The following BOD1L1 variants were observed in gnomAD, a reference collection of about 807,000 sequenced individuals.
BOD1L1 encodes biorientation of chromosomes in cell division 1 like 1.
BOD1L1 carries 86 observed loss-of-function variants against 240.7 expected under a neutral mutation model. The observed-to-expected ratio is 0.36, with a 90% CI of 0.30 to 0.43. The LOEUF (loss-of-function observed/expected upper bound fraction) is 0.43. Ranked by LOEUF, BOD1L1 falls within the 20% of genes least tolerant of loss-of-function variation. The probability of loss-of-function intolerance (pLI) is 1.00; values close to 1 mark genes in which losing one functional copy is unlikely to be tolerated. For missense variants in BOD1L1, 3,554 were observed against 3,643.5 expected (o/e 0.98, Z 0.63); for synonymous variants, 1,268 against 1,272.3 (o/e 1.00, Z 0.07).
intron 7 of BOD1L1, 145 bp downstream of exon 7, chr4:13,609,150 C>T (rs1008844172): frequency 4.1e-6 from 2 of 488,754 alleles, no homozygotes; most frequent in African/African-American, 2.0e-5. Context: ...TGATGAAACA[C>T]ATGAGATTAA....
chr4:13,580,019 T>A, intron 21 of BOD1L1, 46 bp from the exon 22 acceptor site: 1 of 1,340,266 alleles, frequency 7.5e-7, no homozygotes, highest in Non-Finnish European at 1.0e-6. Context: ...ATCAGCAGTT[T>A]ATAATCATCA....
At chr4:13,580,195 G>A (rs1254681605) in intron 21 of BOD1L1, 4 of 541,006 alleles carry the variant, frequency 7.4e-6, no homozygotes, top group Non-Finnish European at 1.3e-5. Flanking sequence ...TGATGCTACA[G>A]GATGAGAAGT....
chr4:13,586,621 T>G (rs1003535092), intron 16 of BOD1L1, 146 bp from the exon 17 acceptor site: 1 of 492,630 alleles, frequency 2.0e-6, no homozygotes, highest in African/African-American at 2.0e-5. Context: ...TATAATATCA[T>G]GTGATTTGAG....
In BOD1L1 at chr4:13,599,701, A is replaced by G; in HGVS notation, c.7199T>C (p.Leu2400Ser). The stretch of plus-strand genomic sequence containing the variant: ...GTGCCCCTCCTCGGTGCTCACTGCC[A>G]ACACGGGACCCGGTTCTTTGCCTCC... ...VRGGKEPGPV[L>S]AVSTEEGHNG... The change falls in exon 10 of 26, where the codon TTG becomes TCG. Residue 2400 changes from leucine (L) to serine (S), a missense_variant. Physicochemically the swap from Leu to Ser is moderately radical, Grantham distance 145 (BLOSUM62 -2). This residue lies in a region of BOD1L1 where 3,393 missense variants were observed against 3,427.1 expected (regional missense o/e 0.99). Transcript: ENST00000040738. 1 of 1,613,794 alleles carries G rather than the reference A, an allele frequency of 6.2e-7. No homozygotes were observed. Among genetic ancestry groups the G allele is most frequent in the South Asian group, 1.1e-5 (1 of 91,082 alleles).
intron 13 of BOD1L1, among the ~76,000 whole-genome samples, chr4:13,591,563 T>A (rs1488705721): frequency 6.6e-6 from 1 of 152,224 alleles, no homozygotes; most frequent in Non-Finnish European, 1.5e-5. Flanking sequence ...CAGGTTAGTA[T>A]CTTGAGAAAA....
intron 9 of BOD1L1, among the ~76,000 whole-genome samples, chr4:13,605,503 T>A (rs1306480308): frequency 6.6e-6 from 1 of 152,180 alleles, no homozygotes; most frequent in Non-Finnish European, 1.5e-5. Flanking sequence ...GTGTTAGGAA[T>A]GAGTTTAGAT....
At position 13,590,371 on chromosome 4, in the gene BOD1L1, A is replaced by T; in HGVS notation, c.8209+15T>A. 1.4e-6 allele frequency: 2 copies of T among 1,401,582 alleles called. No individual in the cohort carries two copies. The highest frequency in any genetic ancestry group is 2.6e-5 in the South Asian group (2 of 77,362). The allele number at this position is 1,401,582 out of a possible 1,614,324, so 86.8% of individuals were successfully genotyped here. On this transcript the variant is annotated intron_variant, in intron 14 of 25. Coordinates refer to ENST00000040738, the MANE Select transcript of BOD1L1 (RefSeq NM_148894.3). ...TATAATATTAAAACTATAACTATGA[A>T]ATTCATTAACTTACCTCCTTTGTTA...
Position 13,600,130 on chromosome 4 carries a change from G to C in BOD1L1, c.6770C>G (p.Ser2257Cys), listed in dbSNP as rs1287614863. 1.9e-6 allele frequency: 3 copies of C among 1,613,982 alleles called. No individual in the cohort carries two copies. The East Asian group carries it at 6.7e-5, about 36-fold the overall frequency. Residue 2257 changes from serine (S) to cysteine (C), a missense_variant, in exon 10 of 26, where the codon TCT becomes TGT. Ser to Cys is a moderately radical substitution (Grantham distance 112). Coordinates refer to ENST00000040738, the MANE Select transcript of BOD1L1 (RefSeq NM_148894.3). ...CTCACAGTCTTCCACCGAGCTCGTAGAGATGATGCCACTCCCGTCTTTTTC... is the reference window on the plus strand; with the variant it reads ...CTCACAGTCTTCCACCGAGCTCGTACAGATGATGCCACTCCCGTCTTTTTC... ...MEEKDGSGIISTSSVEDCEGP... is the reference protein window; with the variant it reads ...MEEKDGSGIICTSSVEDCEGP...
At chr4:13,619,327 A>G (rs1716866402) in intron 2 of BOD1L1, among the ~76,000 whole-genome samples, 2 of 131,968 alleles carry the variant, frequency 1.5e-5, no homozygotes, top group South Asian at 5.2e-4. Flanking sequence ...AAAAAAAAGT[A>G]GAAGACCGTA....
At position 13,591,972 on chromosome 4, in the gene BOD1L1, CA is replaced by C; in HGVS notation, c.8105-7del. The stretch of plus-strand genomic sequence containing the variant: ...AGGCTCCCTCTGGAGTTCAGCTGTT[CA>C]AAAATAAAAATGAGATGTAAAGAAA... On this transcript the variant is annotated splice_polypyrimidine_tract_variant and splice_region_variant and intron_variant, in intron 12 of 25. Transcript: ENST00000040738. The C allele has an allele frequency of 6.5e-7, 1 of 1,541,494 alleles. No homozygotes were observed.
chr4:13,582,170 T>A, intron 19 of BOD1L1, 67 bp downstream of exon 19: 3 of 1,328,330 alleles, frequency 2.3e-6, no homozygotes, highest in Non-Finnish European at 3.2e-6. Flanking sequence ...ATAACAGTAT[T>A]TAATGAATTT....
rs1244232803 is a variant in BOD1L1 at position 13,613,013 on chromosome 4, C to T, written c.1324+499G>A. Among the ~76,000 whole-genome samples the T allele has an allele frequency of 6.6e-6, 1 of 152,168 alleles. No homozygotes were observed. The highest frequency in any genetic ancestry group is 1.5e-5 in the Non-Finnish European group (1 of 68,032). On this transcript the variant is annotated intron_variant, in intron 5 of 25. Coordinates refer to ENST00000040738, the MANE Select transcript of BOD1L1 (RefSeq NM_148894.3). The surrounding 1 kb of genome is among the most constrained non-coding windows in gnomAD (Gnocchi z 4.0). The stretch of plus-strand genomic sequence containing the variant: ...CTGTCTGAAACTTTCCTGGACTCTG[C>T]CCTGTGTGCCTCTTCCCTTGGCTGA...
chr4:13,620,081 A>AGGGG lies in BOD1L1; in HGVS notation c.244-15_244-14insCCCC, dbSNP rs776440880. ...CTGATACGCAGGCTAGAGAGAAAAA[A>AGGGG]ACGAAGGTAAGTCTTCAAGGTTATA... On this transcript the variant is annotated splice_polypyrimidine_tract_variant and intron_variant, in intron 1 of 25. Transcript: ENST00000040738. 2.9e-5 allele frequency: 46 copies of AGGGG among 1,588,652 alleles called. No homozygotes were observed. Among genetic ancestry groups the AGGGG allele is most frequent in the Non-Finnish European group, 3.9e-5 (45 of 1,166,366 alleles).
intron 1 of BOD1L1, chr4:13,625,869 C>T (rs1003387606): frequency 6.6e-6 from 1 of 152,116 alleles, no homozygotes; most frequent in Non-Finnish European, 1.5e-5. Flanking sequence ...CGAAAAACCA[C>T]GTTTTACATA....
At position 13,570,032 on chromosome 4, in the gene BOD1L1, A is replaced by C. The variant is rs1335092553; in HGVS notation, c.9135T>G (p.Pro3045=). The C allele has an allele frequency of 6.2e-7, 1 of 1,602,656 alleles. No homozygotes were observed. Among genetic ancestry groups the C allele is most frequent in the Admixed American group, 1.7e-5 (1 of 57,630 alleles). Residue 3045 remains proline (P), a synonymous_variant, in exon 26 of 26, where the codon CCT becomes CCG. Transcript: ENST00000040738. ...TRGQQRVEEA[P]VKKAKR Reference sequence around the variant, plus strand: ...AGGATTATCGCTTCGCTTTTTTCACAGGGGCTTCCTCCACCCTTTGCTGGC... The same window carrying C: ...AGGATTATCGCTTCGCTTTTTTCACCGGGGCTTCCTCCACCCTTTGCTGGC...
chr4:13,595,991 CA>C (rs1343830150), intron 11 of BOD1L1, 47 bp from the exon 12 acceptor site: 1 of 1,494,410 alleles, frequency 6.7e-7, no homozygotes, highest in Non-Finnish European at 9.3e-7. Context: ...AGGGTTTTTA[CA>C]AGAAGACTAA....
At position 13,600,126 on chromosome 4, in the gene BOD1L1, C is replaced by G. The variant is rs777385365; in HGVS notation, c.6774G>C (p.Thr2258=). 3.1e-6 allele frequency: 5 copies of G among 1,613,800 alleles called. No individual in the cohort carries two copies. The highest frequency in any genetic ancestry group is 4.2e-6 in the Non-Finnish European group (5 of 1,179,880). Residue 2258 remains threonine, a synonymous_variant, in exon 10 of 26, where the codon ACG becomes ACC. Coordinates refer to ENST00000040738, the MANE Select transcript of BOD1L1 (RefSeq NM_148894.3). The stretch of plus-strand genomic sequence containing the variant: ...GGCCCTCACAGTCTTCCACCGAGCT[C>G]GTAGAGATGATGCCACTCCCGTCTT... The part of the protein sequence containing the change: ...EEKDGSGIIS[T]SSVEDCEGPV...
rs1427433860 is a variant in BOD1L1 at position 13,602,809 on chromosome 4, C to T, written c.4091G>A (p.Arg1364Lys). The T allele has an allele frequency of 1.9e-6, 3 of 1,613,994 alleles. No homozygotes were observed. The highest frequency in any genetic ancestry group is 1.1e-5 in the South Asian group (1 of 91,086). Residue 1364 changes from arginine (R) to lysine (K), a missense_variant, in exon 10 of 26, where the codon AGA (arginine) becomes AAA (lysine). Arg to Lys is a conservative substitution (Grantham distance 26). Coordinates refer to ENST00000040738, the MANE Select transcript of BOD1L1 (RefSeq NM_148894.3). ...AGCCTGGTGAGCTTCTGGAATGTGT[C>T]TTTTGCTAGTGATGCTTGCTTTTGC... ...TPAKASITSK[R>K]HIPEAHQATL...
intron 1 of BOD1L1, chr4:13,624,305 G>A (rs1717238835): frequency 6.6e-6 from 1 of 152,014 alleles, no homozygotes; most frequent in Admixed American, 6.5e-5. Flanking sequence ...GTTCTTTTTT[G>A]TCTGGGAGGG....
Sources: allele counts gnomAD v4.1 joint callset (sites outside exome capture counted in the v4.1 genomes callset), GRCh38; gene constraint gnomAD v4.1.1; regional missense constraint gnomAD v4.1.1; non-coding constraint Gnocchi (gnomAD v3.1); transcripts MANE v1.5; gene names NCBI Gene and HGNC (gene_info 2026-07-23, HGNC 2026-07-21).